Variants in SCUBE3 observed in about 807,000 individuals in gnomAD.
SCUBE3 encodes signal peptide, CUB domain and EGF like domain containing 3.
A neutral mutation model predicts 116.8 loss-of-function variants in SCUBE3; 33 were observed. That is an observed-to-expected ratio of 0.28 (90% CI 0.21 to 0.38). The LOEUF (loss-of-function observed/expected upper bound fraction) is 0.38, where lower values mean the gene tolerates loss of function less well. Ranked by LOEUF, SCUBE3 falls within the 10% of genes least tolerant of loss-of-function variation. The probability of loss-of-function intolerance (pLI) is 1.00; values close to 1 mark genes in which losing one functional copy is unlikely to be tolerated. For synonymous variants in SCUBE3, 418 were observed against 496.9 expected, an observed-to-expected ratio of 0.84 and a Z score of 2.11; for missense variants, 1,007 against 1,324.8, an observed-to-expected ratio of 0.76 and a Z score of 3.72.
chr6:35,252,977 T>G lies in SCUBE3; in HGVS notation c.*4272T>G, dbSNP rs1416349146. On this transcript the variant is annotated 3_prime_UTR_variant, in exon 22 of 22. Coordinates refer to ENST00000274938, the MANE Select transcript of SCUBE3 (RefSeq NM_152753.4). ...ACAGCAAATGATGCAGTTCATAGAGTATTTTGCACTTGGGGAAAAATATGT... is the reference window on the plus strand; with the variant it reads ...ACAGCAAATGATGCAGTTCATAGAGGATTTTGCACTTGGGGAAAAATATGT... The G allele has an allele frequency of 6.6e-6, 1 of 152,212 alleles. No individual in the cohort carries two copies. The highest frequency in any genetic ancestry group is 1.5e-5 in the Non-Finnish European group (1 of 68,044). The allele number at this position is 152,212 out of a possible 1,614,324, so 9.4% of individuals were successfully genotyped here. A position where few individuals can be genotyped will look rare whatever the true frequency, so the allele number is the denominator to read the frequency against.
rs1431842624 is a variant in SCUBE3 at position 35,249,714 on chromosome 6, G to GT, written c.*1014dup. 2 of 152,588 alleles carry GT rather than the reference G, an allele frequency of 1.3e-5. No individual in the cohort carries two copies. Among genetic ancestry groups the GT allele is most frequent in the Non-Finnish European group, 2.9e-5 (2 of 68,036 alleles). The allele number at this position is 152,588 out of a possible 1,614,324, so 9.5% of individuals were successfully genotyped here. A position where few individuals can be genotyped will look rare whatever the true frequency, so the allele number is the denominator to read the frequency against. On this transcript the variant is annotated 3_prime_UTR_variant, in exon 22 of 22. Coordinates refer to ENST00000274938, the MANE Select transcript of SCUBE3 (RefSeq NM_152753.4). Reference sequence around the variant, plus strand: ...CCAGCCTAGGCCTTGCCCTACAGTTGTTTTTCCCTTGTAGCCCCAGCTGGC... The same window carrying GT: ...CCAGCCTAGGCCTTGCCCTACAGTTGTTTTTTCCCTTGTAGCCCCAGCTGGC...
intron 1 of SCUBE3, chr6:35,221,578 C>T (rs1485408910): frequency 1.3e-5 from 2 of 152,252 alleles, no homozygotes; most frequent in Non-Finnish European, 2.9e-5. Flanking sequence ...ATGTAGAATT[C>T]ATCTCTGGTT....
In SCUBE3 at chr6:35,214,373, G is replaced by A. The variant is rs1782799907; in HGVS notation, c.-46G>A. Reference sequence around the variant, plus strand: ...ATCCGGCCGGCTTCCGCCCTCCCCTGGCCGCGAGACCGGCCCCGGCGGCTG... The same window carrying A: ...ATCCGGCCGGCTTCCGCCCTCCCCTAGCCGCGAGACCGGCCCCGGCGGCTG... On this transcript the variant is annotated 5_prime_UTR_variant, in exon 1 of 22. Transcript: ENST00000274938. This position sits in a 1 kb window ranked among gnomAD's most constrained non-coding sequence, Gnocchi z 6.3. 3 of 1,311,354 alleles carry A rather than the reference G, an allele frequency of 2.3e-6. No individual in the cohort carries two copies. Among genetic ancestry groups the A allele is most frequent in the Admixed American group, 3.0e-5 (1 of 33,898 alleles). The allele number at this position is 1,311,354 out of a possible 1,614,324, so 81.2% of individuals were successfully genotyped here. A position where few individuals can be genotyped will look rare whatever the true frequency, so the allele number is the denominator to read the frequency against.
chr6:35,215,141 A>G (rs1782834208), intron 1 of SCUBE3, among the ~76,000 whole-genome samples: 1 of 152,192 alleles, frequency 6.6e-6, no homozygotes, highest in Non-Finnish European at 1.5e-5. Flanking sequence ...TTCGTCTTGC[A>G]TGGCTTTCAT....
intron 3 of SCUBE3, among the ~76,000 whole-genome samples, chr6:35,229,721 A>G (rs12154192): frequency 2.6e-5 from 4 of 152,126 alleles, no homozygotes; most frequent in African/African-American, 4.8e-5. Flanking sequence ...GGTCTCTGTC[A>G]TTTTGGAAAA....
chr6:35,246,175 C>A (rs757524567), intron 20 of SCUBE3, 31 bp from the exon 21 acceptor site: 1 of 1,612,524 alleles, frequency 6.2e-7, no homozygotes, highest in Non-Finnish European at 8.5e-7. Context: ...AGCTCCCGCC[C>A]CTGAGCCCCT....
At position 35,214,036 on chromosome 6, in the gene SCUBE3, G is replaced by C. The variant is rs931048369; in HGVS notation, c.-383G>C. Among the ~76,000 whole-genome samples the C allele has an allele frequency of 2.0e-5, 3 of 152,162 alleles. No individual in the cohort carries two copies. Among genetic ancestry groups the C allele is most frequent in the Admixed American group, 6.5e-5 (1 of 15,288 alleles). On this transcript the variant is annotated 5_prime_UTR_variant, in exon 1 of 22. Transcript: ENST00000274938. The surrounding 1 kb of genome is among the most constrained non-coding windows in gnomAD (Gnocchi z 6.3). ...CTCCCCTTTCTCAGGTCCTTCGCTC[G>C]GGCTCTGCGCGCTCTCCGGCTGCAG... is the stretch of plus-strand genomic sequence containing the variant.
chr6:35,214,496 C>A lies in SCUBE3; in HGVS notation c.78C>A (p.Ala26=), dbSNP rs777962365. 2.0e-6 allele frequency: 3 copies of A among 1,498,066 alleles called. No homozygotes were observed. Among genetic ancestry groups the A allele is most frequent in the Non-Finnish European group, 1.8e-6 (2 of 1,126,524 alleles). 92.8% of individuals were successfully genotyped at this position (1,498,066 alleles called of 1,614,324 possible). A position where few individuals can be genotyped will look rare whatever the true frequency, so the allele number is the denominator to read the frequency against. ...CCCGCGCCGCCCAGTACAGCAAAGC[C>A]GCGCAAGGTAAGGAAGGAGGGGCGC... The part of the protein sequence containing the change: ...VHARAAQYSK[A]AQDVDECVEG... The change falls in exon 1 of 22, where the codon GCC becomes GCA. Residue 26 remains alanine (A), a synonymous_variant. Coordinates refer to ENST00000274938, the MANE Select transcript of SCUBE3 (RefSeq NM_152753.4). This position sits in a 1 kb window ranked among gnomAD's most constrained non-coding sequence, Gnocchi z 6.3.
At chr6:35,226,947 G>A (rs1468469288) in intron 1 of SCUBE3, among the ~76,000 whole-genome samples, 1 of 152,244 alleles carries the variant, frequency 6.6e-6, no homozygotes, top group African/African-American at 2.4e-5. Flanking sequence ...GCTTCAGGTA[G>A]CTGGTGCCAA....
rs1784597510 is a variant in SCUBE3 at position 35,252,750 on chromosome 6, CTTT to C, written c.*4049_*4051del. 6.6e-6 allele frequency: 1 copy of C among 152,180 alleles called. No homozygotes were observed. The highest frequency in any genetic ancestry group is 2.1e-4 in the South Asian group (1 of 4,828). 9.4% of individuals were successfully genotyped at this position (152,180 alleles called of 1,614,324 possible). ...GAATAGAACCCCCAGTTGTCATCAG[CTTT>C]TTTAGACACCACAGGTTGTAGCAGT... On this transcript the variant is annotated 3_prime_UTR_variant, in exon 22 of 22. Transcript: ENST00000274938.
chr6:35,215,707 T>C (rs1320095055), intron 1 of SCUBE3, among the ~76,000 whole-genome samples: 1 of 152,198 alleles, frequency 6.6e-6, no homozygotes, highest in Non-Finnish European at 1.5e-5. Flanking sequence ...AGGAAGGTGC[T>C]GTATCAATGC....
In SCUBE3 at chr6:35,233,743, G is replaced by T. The variant is rs116817430; in HGVS notation, c.712+442G>T. ...CAGTGTCCCCACTCTGCAACTGAGG[G>T]TGGGACAGAGTGCTCCTTCCTGGAA... is the stretch of plus-strand genomic sequence containing the variant. On this transcript the variant is annotated intron_variant, in intron 6 of 21. Transcript: ENST00000274938. The surrounding 1 kb of genome is among the most constrained non-coding windows in gnomAD (Gnocchi z 5.7). 0.012 allele frequency among the ~76,000 whole-genome samples: 1,776 copies of T among 152,300 alleles called. 37 individuals carry two copies. The highest frequency in any genetic ancestry group is 0.041 in the African/African-American group (1,692 of 41,546).
rs1377964657 is a variant in SCUBE3, at chr6:35,243,868, T to A, written c.2072-95T>A. The A allele has an allele frequency of 4.6e-6, 7 of 1,532,080 alleles. No individual in the cohort carries two copies. Among genetic ancestry groups the A allele is most frequent in the Non-Finnish European group, 6.3e-6 (7 of 1,119,378 alleles). 94.9% of individuals were successfully genotyped at this position (1,532,080 alleles called of 1,614,324 possible). A position where few individuals can be genotyped will look rare whatever the true frequency, so the allele number is the denominator to read the frequency against. ...CTCCAGGCCACTCTCTTAGTCAACA[T>A]CCTGTTTGTATACCTTTGTCCCCTG... On this transcript the variant is annotated intron_variant, in intron 16 of 21. Coordinates refer to ENST00000274938, the MANE Select transcript of SCUBE3 (RefSeq NM_152753.4). The surrounding 1 kb of genome is among the most constrained non-coding windows in gnomAD (Gnocchi z 6.6).
In SCUBE3 at chr6:35,244,956, C is replaced by T; in HGVS notation, c.2401+145C>T. On this transcript the variant is annotated intron_variant, in intron 18 of 21. Coordinates refer to ENST00000274938, the MANE Select transcript of SCUBE3 (RefSeq NM_152753.4). This position sits in a 1 kb window ranked among gnomAD's most constrained non-coding sequence, Gnocchi z 4.3. Reference sequence around the variant, plus strand: ...CCACCTTCCACCTCTCCCCAACTCACTCAATCTCAAGGCCAGTTGCTAGGC... The same window carrying T: ...CCACCTTCCACCTCTCCCCAACTCATTCAATCTCAAGGCCAGTTGCTAGGC... 1.2e-6 allele frequency: 1 copy of T among 823,392 alleles called. No homozygotes were observed. Among genetic ancestry groups the T allele is most frequent in the South Asian group, 1.7e-5 (1 of 60,062 alleles). 51.0% of individuals were successfully genotyped at this position (823,392 alleles called of 1,614,324 possible).
intron 3 of SCUBE3, among the ~76,000 whole-genome samples, chr6:35,230,026 A>G (rs567386231): frequency 1.4e-4 from 22 of 152,288 alleles, no homozygotes; most frequent in Non-Finnish European, 2.6e-4. Context: ...AAACCTAGTC[A>G]TAACCCATCA....
At chr6:35,215,954 A>G (rs1022470323) in intron 1 of SCUBE3, among the ~76,000 whole-genome samples, 2 of 152,228 alleles carry the variant, frequency 1.3e-5, no homozygotes, top group African/African-American at 4.8e-5. Flanking sequence ...TTCATAAACA[A>G]AGCTGGCTTT....
intron 13 of SCUBE3, 62 bp from the exon 14 acceptor site, chr6:35,242,560 C>A: frequency 6.8e-7 from 1 of 1,478,584 alleles, no homozygotes; most frequent in Non-Finnish European, 9.4e-7. Flanking sequence ...GGAGGTCTGT[C>A]TGGGCTGGGA....
In SCUBE3 at chr6:35,244,368, G is replaced by A. The variant is rs1784238013; in HGVS notation, c.2239+238G>A. Among the ~76,000 whole-genome samples the A allele has an allele frequency of 6.6e-6, 1 of 152,146 alleles. No individual in the cohort carries two copies. Among genetic ancestry groups the A allele is most frequent in the Admixed American group, 6.5e-5 (1 of 15,272 alleles). ...CTTACCCCTCCACTTTGGAGAACTG[G>A]TGGCATATTCTCCTCCATATCCCAA... On this transcript the variant is annotated intron_variant, in intron 17 of 21. Transcript: ENST00000274938. The surrounding 1 kb of genome is among the most constrained non-coding windows in gnomAD (Gnocchi z 4.3).
chr6:35,217,431 G>A (rs905680882), intron 1 of SCUBE3, among the ~76,000 whole-genome samples: 2 of 151,664 alleles, frequency 1.3e-5, no homozygotes, highest in Non-Finnish European at 2.9e-5. Flanking sequence ...GTTAGGGATA[G>A]AGTTTTGATA....
Sources: gnomAD v4.1 joint callset for allele counts (sites outside exome capture counted in the v4.1 genomes callset) on GRCh38, gnomAD v4.1.1 for gene constraint, Gnocchi (gnomAD v3.1) non-coding constraint, MANE v1.5 for transcripts, NCBI Gene and HGNC (gene_info 2026-07-23, HGNC 2026-07-21) for gene names.